The following PCDHGA2 variants were observed in gnomAD, a reference collection of about 807,000 sequenced individuals.
PCDHGA2 encodes protocadherin gamma-A2.
In PCDHGA2, 40 loss-of-function variants were observed where a neutral mutation model predicts 59.2. The ratio of observed to expected loss-of-function variants is 0.68; its 90% CI spans 0.52 to 0.88. PCDHGA2 has a LOEUF of 0.88. Among genes scored for constraint, PCDHGA2 ranks in the 40% least tolerant of loss-of-function variants. The pLI is 0.00. For synonymous variants in PCDHGA2, 560 were observed against 526.0 expected (o/e 1.06, Z -0.89); for missense variants, 1,226 against 1,204.0 (o/e 1.02, Z -0.27).
At chr5:141,383,213 A>C in intron 1 of PCDHGA2, 1 of 1,614,012 alleles carries the variant, frequency 6.2e-7, no homozygotes, top group Non-Finnish European at 8.5e-7. Flanking sequence ...TGTCTGGTAA[A>C]CTTTAACATC....
chr5:141,376,214 C>T, intron 1 of PCDHGA2: 1 of 1,614,204 alleles, frequency 6.2e-7, no homozygotes, highest in Non-Finnish European at 8.5e-7. Flanking sequence ...CGTCATCGTG[C>T]TGCTGGCGCT....
In PCDHGA2 at chr5:141,487,470, G is replaced by C; in HGVS notation, c.2425-7337G>C. ...GACCCTATCAAGTTTGTTGATGTGG[G>C]AGGCCACTCTCATGGCTGTACACCC... On this transcript the variant is annotated intron_variant, in intron 1 of 3. Coordinates refer to ENST00000394576, the MANE Select transcript of PCDHGA2 (RefSeq NM_018915.4). The surrounding 1 kb of genome is among the most constrained non-coding windows in gnomAD (Gnocchi z 5.0). The C allele has an allele frequency of 1.9e-6, 3 of 1,614,162 alleles. No individual in the cohort carries two copies. Among genetic ancestry groups the C allele is most frequent in the South Asian group, 1.1e-5 (1 of 91,084 alleles).
intron 1 of PCDHGA2, chr5:141,410,094 C>G: frequency 6.2e-7 from 1 of 1,612,646 alleles, no homozygotes; most frequent in Non-Finnish European, 8.5e-7. Context: ...ACGGCTCGAG[C>G]CTTAGGCGAC....
chr5:141,421,970 A>C, intron 1 of PCDHGA2: 1 of 1,610,928 alleles, frequency 6.2e-7, no homozygotes, highest in Middle Eastern at 1.7e-4. Flanking sequence ...CAGTCCGTAT[A>C]TCGCGTGAGT....
intron 1 of PCDHGA2, among the ~76,000 whole-genome samples, chr5:141,354,039 G>A (rs1054364737): frequency 1.4e-4 from 22 of 152,148 alleles, no homozygotes; most frequent in Admixed American, 1.3e-3. Context: ...GAAAGCGATG[G>A]CACATGCAAT....
chr5:141,510,251 C>T (rs569804850), intron 3 of PCDHGA2, among the ~76,000 whole-genome samples: 5 of 144,790 alleles, frequency 3.5e-5, no homozygotes, highest in South Asian at 4.3e-4. Flanking sequence ...CCAGGCTGGG[C>T]GACAGAGCAG....
At position 141,484,779 on chromosome 5, in the gene PCDHGA2, C is replaced by G. The variant is rs186158562; in HGVS notation, c.2425-10028C>G. On this transcript the variant is annotated intron_variant, in intron 1 of 3. Transcript: ENST00000394576. ...ATATATATATATGTTGTCTGCCTCCCCACAGAGATAACAACCCGTGGAAAA... is the reference window on the plus strand; with the variant it reads ...ATATATATATATGTTGTCTGCCTCCGCACAGAGATAACAACCCGTGGAAAA... Among the ~76,000 whole-genome samples, 137 of 152,130 alleles carry G rather than the reference C, an allele frequency of 9.0e-4. 1 individual carries two copies. Among genetic ancestry groups the G allele is most frequent in the Non-Finnish European group, 1.6e-3 (110 of 67,996 alleles).
In PCDHGA2 at chr5:141,489,750, C is replaced by A. The variant is rs753217170; in HGVS notation, c.2425-5057C>A. 1 of 1,614,098 alleles carries A rather than the reference C, an allele frequency of 6.2e-7. No individual in the cohort carries two copies. The highest frequency in any genetic ancestry group is 1.1e-5 in the South Asian group (1 of 91,080). Reference sequence around the variant, plus strand: ...TGGGCACCAATACTGTGAGCTTTTACACTCTAAGCCCCAACAGCCACTTCT... The same window carrying A: ...TGGGCACCAATACTGTGAGCTTTTAAACTCTAAGCCCCAACAGCCACTTCT... On this transcript the variant is annotated intron_variant, in intron 1 of 3. Coordinates refer to ENST00000394576, the MANE Select transcript of PCDHGA2 (RefSeq NM_018915.4). This position sits in a 1 kb window ranked among gnomAD's most constrained non-coding sequence, Gnocchi z 4.5.
intron 1 of PCDHGA2, chr5:141,393,918 T>C: frequency 6.2e-7 from 1 of 1,613,982 alleles, no homozygotes; most frequent in Non-Finnish European, 8.5e-7. Context: ...AATTGCCTTC[T>C]TGAGTGTGCA....
intron 1 of PCDHGA2, chr5:141,364,632 T>A: frequency 6.2e-7 from 1 of 1,614,142 alleles, no homozygotes; most frequent in Non-Finnish European, 8.5e-7. Flanking sequence ...CAGAGCCCAC[T>A]GTGTGTGGTG....
rs2099521625 is a variant in PCDHGA2, at chr5:141,480,568, G to A, written c.2425-14239G>A. 2.0e-5 allele frequency among the ~76,000 whole-genome samples: 3 copies of A among 152,338 alleles called. No individual in the cohort carries two copies. The South Asian group carries it at 6.2e-4, about 32-fold the overall frequency. Reference sequence around the variant, plus strand: ...AAAGGCTAAGAAAGCATGAAAGCCAGCAAGAAATAACTGCCGCTCTTCTGG... The same window carrying A: ...AAAGGCTAAGAAAGCATGAAAGCCAACAAGAAATAACTGCCGCTCTTCTGG... On this transcript the variant is annotated intron_variant, in intron 1 of 3. Coordinates refer to ENST00000394576, the MANE Select transcript of PCDHGA2 (RefSeq NM_018915.4).
At chr5:141,495,213 C>T (rs568314100) in intron 2 of PCDHGA2, among the ~76,000 whole-genome samples, 1 of 152,326 alleles carries the variant, frequency 6.6e-6, no homozygotes, top group South Asian at 2.1e-4. Flanking sequence ...AACCCCCTCC[C>T]CTGAGTTGAG....
rs895234762 is a variant in PCDHGA2 at position 141,476,911 on chromosome 5, A to G, written c.2425-17896A>G. 4 of 1,613,972 alleles carry G rather than the reference A, an allele frequency of 2.5e-6. No individual in the cohort carries two copies. The African/African-American group carries it at 4.0e-5, about 16-fold the overall frequency. On this transcript the variant is annotated intron_variant, in intron 1 of 3. Transcript: ENST00000394576. This position sits in a 1 kb window ranked among gnomAD's most constrained non-coding sequence, Gnocchi z 7.6. ...CACCCTCCGGCACGCGCGTGGTACA[A>G]GTCCTTGCAACGGATCTGGATGAAG...
Position 141,432,480 on chromosome 5 carries a change from G to T in PCDHGA2, c.2425-62327G>T, listed in dbSNP as rs775075732. On this transcript the variant is annotated intron_variant, in intron 1 of 3. Transcript: ENST00000394576. This position sits in a 1 kb window ranked among gnomAD's most constrained non-coding sequence, Gnocchi z 6.0. ...GCCCTCCCCACGGACGGTTCCACTG[G>T]CGTGGAGCTGGCTCCCCGCTCCGCA... The T allele has an allele frequency of 1.9e-6, 3 of 1,614,180 alleles. No individual in the cohort carries two copies. The highest frequency in any genetic ancestry group is 2.2e-5 in the South Asian group (2 of 91,078).
chr5:141,386,098 G>A (rs1384243905), intron 1 of PCDHGA2: 3 of 152,228 alleles, frequency 2.0e-5, no homozygotes, highest in Non-Finnish European at 4.4e-5. Flanking sequence ...GATGAAGTGT[G>A]TCTGTGGGCT....
At position 141,339,304 on chromosome 5, in the gene PCDHGA2, G is replaced by C. The variant is rs752950365; in HGVS notation, c.333G>C (p.Glu111Asp). The change falls in exon 1 of 4, where the codon GAG becomes GAC. Residue 111 changes from glutamate to aspartate, a missense_variant. Physicochemically the swap from Glu to Asp is conservative, Grantham distance 45 (BLOSUM62 2). Transcript: ENST00000394576. ...TGTTGAATTTTAACATTCTGCTGGA[G>C]GATAAATTGACTATTTATTCAGTAG... is the stretch of plus-strand genomic sequence containing the variant. ...PCLLNFNILL[E>D]DKLTIYSVEV... 3 of 1,614,228 alleles carry C rather than the reference G, an allele frequency of 1.9e-6. No homozygotes were observed. Among genetic ancestry groups the C allele is most frequent in the South Asian group, 2.2e-5 (2 of 91,086 alleles).
At chr5:141,510,286 A>G (rs1011677966) in intron 3 of PCDHGA2, among the ~76,000 whole-genome samples, 1 of 151,770 alleles carries the variant, frequency 6.6e-6, no homozygotes, top group African/African-American at 2.4e-5. Flanking sequence ...AAAAAAAAAA[A>G]AAAAATGCTG....
intron 1 of PCDHGA2, among the ~76,000 whole-genome samples, chr5:141,460,117 T>G (rs1454761302): frequency 6.6e-6 from 1 of 151,982 alleles, no homozygotes; most frequent in Non-Finnish European, 1.5e-5. Context: ...ATGATTTTTA[T>G]ATATGTAATA....
intron 1 of PCDHGA2, among the ~76,000 whole-genome samples, chr5:141,349,639 G>C (rs1047653620): frequency 6.6e-6 from 1 of 151,988 alleles, no homozygotes; most frequent in Non-Finnish European, 1.5e-5. Flanking sequence ...TATATGGAGA[G>C]ATTTAAAATA....
Sources: allele counts gnomAD v4.1 joint callset (sites outside exome capture counted in the v4.1 genomes callset), GRCh38; gene constraint gnomAD v4.1.1; non-coding constraint Gnocchi (gnomAD v3.1); transcripts MANE v1.5; gene names NCBI Gene and HGNC (gene_info 2026-07-23, HGNC 2026-07-21).